The following RGS7 variants were observed in gnomAD, a reference collection of about 807,000 sequenced individuals.
The protein encoded by RGS7 is regulator of G protein signaling 7.
Under a neutral mutation model 81.1 loss-of-function variants are expected in RGS7, and 27 were observed. The ratio of observed to expected loss-of-function variants is 0.33; its 90% CI spans 0.25 to 0.46. The LOEUF (loss-of-function observed/expected upper bound fraction) is 0.46, where lower values mean the gene tolerates loss of function less well. Ranked by LOEUF, RGS7 falls within the 20% of genes least tolerant of loss-of-function variation. The pLI, the probability that RGS7 is intolerant of heterozygous loss-of-function variation, is 1.00. For missense variants in RGS7, 396 were observed against 607.4 expected (o/e 0.65, Z 3.66); for synonymous variants, 208 against 207.7 (o/e 1.00, Z -0.01).
chr1:240,942,076 G>T (rs2148398989), intron 4 of RGS7, among the ~76,000 whole-genome samples: 1 of 152,180 alleles, frequency 6.6e-6, no homozygotes, highest in Middle Eastern at 3.4e-3. Context: ...CTGATTAAGT[G>T]AACAGCCTAG....
chr1:240,815,272 G>A (rs949192881), intron 11 of RGS7, among the ~76,000 whole-genome samples: 2 of 152,108 alleles, frequency 1.3e-5, no homozygotes, highest in Non-Finnish European at 2.9e-5. Flanking sequence ...GGACTCTGAA[G>A]CAGAGGTTGC....
intron 9 of RGS7, among the ~76,000 whole-genome samples, chr1:240,850,734 A>G (rs1659951935): frequency 1.3e-5 from 2 of 152,240 alleles, no homozygotes; most frequent in African/African-American, 2.4e-5. Context: ...AAGCACTTGA[A>G]AAGTGCTACT....
intron 2 of RGS7, among the ~76,000 whole-genome samples, chr1:241,172,591 C>T (rs2070815055): frequency 6.6e-6 from 1 of 152,094 alleles, no homozygotes; most frequent in Non-Finnish European, 1.5e-5. Context: ...ATTGTCCAGG[C>T]TTTGAATTGA....
intron 6 of RGS7, among the ~76,000 whole-genome samples, chr1:240,901,590 C>G (rs974966842): frequency 6.6e-6 from 1 of 152,150 alleles, no homozygotes; most frequent in Non-Finnish European, 1.5e-5. Context: ...ATAGCACAGG[C>G]TTGGGGTTTT....
In RGS7 at chr1:241,141,949, G is replaced by A. The variant is rs552229154; in HGVS notation, c.79-43187C>T. Among the ~76,000 whole-genome samples the A allele has an allele frequency of 1.3e-4, 20 of 152,340 alleles. No individual in the cohort carries two copies. In the East Asian group the frequency reaches 2.9e-3, roughly 22 times the overall value. Reference sequence around the variant, plus strand: ...CTTCCTAGACACCGTGATGGTACACGCATTGAGTAAAGACAGCTGTTCCAA... The same window carrying A: ...CTTCCTAGACACCGTGATGGTACACACATTGAGTAAAGACAGCTGTTCCAA... On this transcript the variant is annotated intron_variant, in intron 2 of 18. Coordinates refer to ENST00000440928, the MANE Select transcript of RGS7 (RefSeq NM_001364886.1).
chr1:240,848,695 A>C (rs1051987254), intron 9 of RGS7, among the ~76,000 whole-genome samples: 2 of 151,942 alleles, frequency 1.3e-5, no homozygotes, highest in Non-Finnish European at 2.9e-5. Flanking sequence ...GAAAAATCTA[A>C]GATGCTCCTG....
chr1:240,895,135 G>C (rs147651799), intron 6 of RGS7, among the ~76,000 whole-genome samples: 2 of 152,166 alleles, frequency 1.3e-5, no homozygotes, highest in African/African-American at 4.8e-5. Context: ...TGACATGCTT[G>C]TTCTCTTTTC....
intron 13 of RGS7, among the ~76,000 whole-genome samples, chr1:240,812,681 C>T (rs1226468218): frequency 1.3e-5 from 2 of 152,168 alleles, no homozygotes; most frequent in Admixed American, 1.3e-4. Context: ...GTGATCCACC[C>T]ACCAAAGCGT....
intron 3 of RGS7, among the ~76,000 whole-genome samples, chr1:240,999,156 T>C (rs1364837609): frequency 6.6e-6 from 1 of 152,060 alleles, no homozygotes; most frequent in Non-Finnish European, 1.5e-5. Flanking sequence ...AAGTTTCCAT[T>C]TTTTTATAAC....
intron 4 of RGS7, among the ~76,000 whole-genome samples, chr1:240,959,527 A>G (rs925973347): frequency 1.3e-5 from 2 of 152,236 alleles, no homozygotes; most frequent in Non-Finnish European, 2.9e-5. Context: ...TATGATAGCT[A>G]CAGTATCACT....
chr1:241,036,683 A>C (rs1286014912), intron 3 of RGS7, among the ~76,000 whole-genome samples: 1 of 152,216 alleles, frequency 6.6e-6, no homozygotes, highest in Non-Finnish European at 1.5e-5. Context: ...ATAGTTAGGA[A>C]CAAGGATTAG....
At chr1:241,062,165 A>C (rs1039329131) in intron 3 of RGS7, among the ~76,000 whole-genome samples, 1 of 152,240 alleles carries the variant, frequency 6.6e-6, no homozygotes, top group Non-Finnish European at 1.5e-5. Flanking sequence ...CCTTCTCATG[A>C]AAAGCAACCA....
intron 9 of RGS7, among the ~76,000 whole-genome samples, chr1:240,855,980 T>C (rs947433905): frequency 6.6e-5 from 10 of 152,224 alleles, no homozygotes; most frequent in Non-Finnish European, 1.0e-4. Context: ...TAGCCATTTA[T>C]ATATTTTCTT....
chr1:240,849,665 G>T (rs141350900), intron 9 of RGS7, among the ~76,000 whole-genome samples: 1 of 152,090 alleles, frequency 6.6e-6, no homozygotes, highest in Non-Finnish European at 1.5e-5. Context: ...GTTTAAAAGT[G>T]TGTGGTGCCT....
At chr1:240,876,138 C>T (rs1459184665) in intron 6 of RGS7, among the ~76,000 whole-genome samples, 1 of 152,212 alleles carries the variant, frequency 6.6e-6, no homozygotes, top group Admixed American at 6.5e-5. Context: ...CCTTTCAACT[C>T]TTCCACCCAT....
At chr1:241,263,233 CGCCACTGCACCCCAGCCTGG>C (rs1558250226) in intron 2 of RGS7, among the ~76,000 whole-genome samples, 1 of 151,998 alleles carries the variant, frequency 6.6e-6, no homozygotes, top group Admixed American at 6.6e-5. Context: ...CCCGAGATCT[CGCCACTGCACCCCAGCCTGG>C]GTGACAGAGC....
intron 2 of RGS7, among the ~76,000 whole-genome samples, chr1:241,259,243 T>C (rs115837175): frequency 2.6e-5 from 4 of 152,154 alleles, no homozygotes; most frequent in African/African-American, 9.7e-5. Context: ...TGGTATTGAT[T>C]AGGCATTATC....
At chr1:241,222,578 C>G (rs1915885) in intron 2 of RGS7, among the ~76,000 whole-genome samples, 17,233 of 152,050 alleles carry the variant, frequency 0.11, 1,087 homozygotes, top group East Asian at 0.2. Flanking sequence ...ATATAATTAT[C>G]GTTATTATTA....
At chr1:240,929,524 C>G (rs1675045984) in intron 6 of RGS7, among the ~76,000 whole-genome samples, 1 of 151,960 alleles carries the variant, frequency 6.6e-6, no homozygotes, top group South Asian at 2.1e-4. Context: ...TTGACTAGAG[C>G]CTGACCATTC....
Sources: gnomAD v4.1 joint callset for allele counts (sites outside exome capture counted in the v4.1 genomes callset) on GRCh38, gnomAD v4.1.1 for gene constraint, MANE v1.5 for transcripts, NCBI Gene and HGNC (gene_info 2026-07-23, HGNC 2026-07-21) for gene names.